The following AP1M1 variants were observed in gnomAD, a reference collection of about 807,000 sequenced individuals.
The protein encoded by AP1M1 is adaptor related protein complex 1 subunit mu 1.
AP1M1 carries 18 observed loss-of-function variants against 57.1 expected under a neutral mutation model. The observed-to-expected ratio is 0.32, with a 90% CI of 0.22 to 0.47. AP1M1 has a LOEUF of 0.47. AP1M1 is among the 20% of genes least tolerant of loss of function. The pLI is 1.00. For synonymous variants in AP1M1, 241 were observed against 237.9 expected (o/e 1.01, Z -0.12); for missense variants, 362 against 593.5 (o/e 0.61, Z 4.05).
At chr19:16,208,529 G>A (rs566940452) in intron 4 of AP1M1, among the ~76,000 whole-genome samples, 36 of 152,078 alleles carry the variant, frequency 2.4e-4, no homozygotes, top group Non-Finnish European at 4.3e-4. Flanking sequence ...CCTGGGGGCC[G>A]GGCCCCAGCA....
In AP1M1 at chr19:16,238,707, T is replaced by C. The variant is rs2091634159; in HGVS notation, c.*4272T>C. 6.8e-6 allele frequency: 1 copy of C among 147,408 alleles called. No homozygotes were observed. Among genetic ancestry groups the C allele is most frequent in the African/African-American group, 2.5e-5 (1 of 40,402 alleles). 9.1% of individuals were successfully genotyped at this position (147,408 alleles called of 1,614,324 possible). On this transcript the variant is annotated 3_prime_UTR_variant, in exon 12 of 12. Transcript: ENST00000291439. Reference sequence around the variant, plus strand: ...TGGTATTGCTTAGTGGCTTGTTCTGTATTCTTTCTTTATGCTTTTTTTTTT... The same window carrying C: ...TGGTATTGCTTAGTGGCTTGTTCTGCATTCTTTCTTTATGCTTTTTTTTTT...
intron 5 of AP1M1, among the ~76,000 whole-genome samples, chr19:16,212,980 T>G (rs2091501826): frequency 1.3e-5 from 2 of 152,212 alleles, no homozygotes; most frequent in Admixed American, 6.5e-5. Context: ...TGCTTTTGGT[T>G]CTTTTGCATC....
At chr19:16,209,463 C>T (rs534940630) in intron 5 of AP1M1, among the ~76,000 whole-genome samples, 2 of 152,198 alleles carry the variant, frequency 1.3e-5, no homozygotes, top group African/African-American at 4.8e-5. Context: ...CCCGTGTAGC[C>T]GGGATTATAG....
chr19:16,234,177 G>T, intron 10 of AP1M1, 22 bp from the exon 11 acceptor site: 1 of 1,607,310 alleles, frequency 6.2e-7, no homozygotes. Flanking sequence ...CGGTGCTCAG[G>T]GCCCTGCTAC....
rs2091655418 is a variant in AP1M1 at position 16,244,384 on chromosome 19, A to G, written c.*9949A>G. 6.6e-6 allele frequency: 1 copy of G among 152,370 alleles called. No individual in the cohort carries two copies. The highest frequency in any genetic ancestry group is 1.9e-4 in the East Asian group (1 of 5,196). The allele number at this position is 152,370 out of a possible 1,614,324, so 9.4% of individuals were successfully genotyped here. A position where few individuals can be genotyped will look rare whatever the true frequency, so the allele number is the denominator to read the frequency against. ...GCACAAGGAAAGTGATCTCAGACGG[A>G]AGGGCATGATGCAAGAAGAAATAAA... On this transcript the variant is annotated 3_prime_UTR_variant, in exon 12 of 12. Transcript: ENST00000291439.
At chr19:16,231,114 C>T (rs2091594206) in intron 9 of AP1M1, among the ~76,000 whole-genome samples, 1 of 151,780 alleles carries the variant, frequency 6.6e-6, no homozygotes, top group South Asian at 2.1e-4. Context: ...TGGTGAAACC[C>T]CGTCTCTACT....
intron 2 of AP1M1, among the ~76,000 whole-genome samples, chr19:16,204,383 C>T (rs887783893): frequency 2.0e-5 from 3 of 152,188 alleles, no homozygotes; most frequent in Non-Finnish European, 2.9e-5. Context: ...CACACTACTG[C>T]GGAAGGGCCT....
intron 5 of AP1M1, among the ~76,000 whole-genome samples, chr19:16,211,503 A>G (rs1341551571): frequency 1.3e-5 from 2 of 152,080 alleles, no homozygotes; most frequent in Non-Finnish European, 2.9e-5. Flanking sequence ...TTGGCTATGG[A>G]TTTGTCATAG....
intron 5 of AP1M1, among the ~76,000 whole-genome samples, chr19:16,222,205 A>AT (rs1213761084): frequency 0.027 from 1,627 of 60,230 alleles, 34 homozygotes; most frequent in African/African-American, 0.064. Context: ...TACTATTATT[A>AT]TTATTATTTT....
chr19:16,210,916 C>T (rs2091490724), intron 5 of AP1M1, among the ~76,000 whole-genome samples: 1 of 152,102 alleles, frequency 6.6e-6, no homozygotes, highest in Non-Finnish European at 1.5e-5. Context: ...GTTTCTTTGT[C>T]ATCTGTATAT....
At chr19:16,205,477 C>T (rs2091465670) in intron 2 of AP1M1, among the ~76,000 whole-genome samples, 1 of 152,104 alleles carries the variant, frequency 6.6e-6, no homozygotes, top group Non-Finnish European at 1.5e-5. Context: ...ACTGGGCCAG[C>T]GTCCCTTTCC....
At chr19:16,198,159 A>G in intron 1 of AP1M1, 91 bp downstream of exon 1, 3 of 1,449,182 alleles carry the variant, frequency 2.1e-6, no homozygotes, top group East Asian at 2.6e-5. Flanking sequence ...TAACCGGCTT[A>G]TGAGCCCCAT....
chr19:16,210,271 G>C, intron 5 of AP1M1: 1 of 667,342 alleles, frequency 1.5e-6, no homozygotes, highest in South Asian at 1.6e-5. Context: ...CATTTGGGTG[G>C]TTTTCCAATC....
rs762029617 is a variant in AP1M1 at position 16,203,573 on chromosome 19, G to A, written c.157G>A (p.Gly53Arg). The A allele has an allele frequency of 1.5e-5, 24 of 1,612,982 alleles. No homozygotes were observed. The highest frequency in any genetic ancestry group is 4.0e-5 in the African/African-American group (3 of 74,858). ...EGMLSPILAHGGVRFMWIKHN... is the reference protein window; with the variant it reads ...EGMLSPILAHRGVRFMWIKHN... ...GATGCTGTCGCCCATCCTGGCCCAC[G>A]GGGGGGTCCGTTTCATGTGGATCAA... Residue 53 changes from glycine to arginine, a missense_variant, in exon 2 of 12, where the codon GGG (glycine) becomes AGG (arginine). Physicochemically the swap from Gly to Arg is moderately radical, Grantham distance 125. This residue lies in a region of AP1M1 where 337 missense variants were observed against 511.1 expected (regional missense o/e 0.66). Coordinates refer to ENST00000291439, the MANE Select transcript of AP1M1 (RefSeq NM_032493.4). This position sits in a 1 kb window ranked among gnomAD's most constrained non-coding sequence, Gnocchi z 4.6.
chr19:16,201,490 C>T (rs1439291658), intron 1 of AP1M1, among the ~76,000 whole-genome samples: 1 of 134,234 alleles, frequency 7.4e-6, no homozygotes, highest in Non-Finnish European at 1.6e-5. Context: ...CCTCTGCCTC[C>T]CAGGTTCAAG....
At chr19:16,230,293 C>T (rs966551227) in intron 9 of AP1M1, among the ~76,000 whole-genome samples, 2 of 152,198 alleles carry the variant, frequency 1.3e-5, no homozygotes, top group Non-Finnish European at 2.9e-5. Flanking sequence ...ATTCCAACAG[C>T]ATGTGGTCTC....
At chr19:16,204,916 C>T (rs12019138) in intron 2 of AP1M1, among the ~76,000 whole-genome samples, 16,216 of 150,096 alleles carry the variant, frequency 0.11, 1,061 homozygotes, top group East Asian at 0.29. Context: ...CTGCAAGCTC[C>T]GCCTCCCGGG....
At chr19:16,199,567 G>C (rs1353135663) in intron 1 of AP1M1, among the ~76,000 whole-genome samples, 1 of 152,162 alleles carries the variant, frequency 6.6e-6, no homozygotes. Flanking sequence ...AGCTGAGAGT[G>C]AAGAGGTGAA....
rs1375110342 is a variant in AP1M1 at position 16,228,636 on chromosome 19, G to A, written c.889-134G>A. ...TCGAGGGCAGGAGAAGGGGTGGGTAGTGCCTGGAGAAGTGGGGCCAGGGGC... is the reference window on the plus strand; with the variant it reads ...TCGAGGGCAGGAGAAGGGGTGGGTAATGCCTGGAGAAGTGGGGCCAGGGGC... On this transcript the variant is annotated intron_variant, in intron 8 of 11. Transcript: ENST00000291439. The surrounding 1 kb of genome is among the most constrained non-coding windows in gnomAD (Gnocchi z 5.0). The A allele has an allele frequency of 1.1e-5, 10 of 897,020 alleles. No homozygotes were observed. The highest frequency in any genetic ancestry group is 1.6e-5 in the South Asian group (1 of 63,208). The allele number at this position is 897,020 out of a possible 1,614,324, so 55.6% of individuals were successfully genotyped here. A position where few individuals can be genotyped will look rare whatever the true frequency, so the allele number is the denominator to read the frequency against.
Sources: gnomAD v4.1 joint callset for allele counts (sites outside exome capture counted in the v4.1 genomes callset) on GRCh38, gnomAD v4.1.1 for gene constraint, gnomAD v4.1.1 regional missense constraint, Gnocchi (gnomAD v3.1) non-coding constraint, MANE v1.5 for transcripts, NCBI Gene and HGNC (gene_info 2026-07-23, HGNC 2026-07-21) for gene names.